The following UBE2V2 variants were observed in gnomAD, a reference collection of about 807,000 sequenced individuals.
UBE2V2 encodes the protein ubiquitin conjugating enzyme E2 V2, also known as ubiquitin-conjugating enzyme E2 variant 2.
UBE2V2 carries 9 observed loss-of-function variants against 17.2 expected under a neutral mutation model. That is an observed-to-expected ratio of 0.52 (90% CI 0.32 to 0.91). The LOEUF is 0.91. Among genes scored for constraint, UBE2V2 ranks in the 40% least tolerant of loss-of-function variants. UBE2V2 has a pLI of 0.04. For missense variants in UBE2V2, 133 were observed against 182.6 expected (o/e 0.73, Z 1.56); for synonymous variants, 61 against 57.5 (o/e 1.06, Z -0.28).
chr8:48,013,717 G>C (rs2091248766), intron 1 of UBE2V2, among the ~76,000 whole-genome samples: 1 of 152,144 alleles, frequency 6.6e-6, no homozygotes, highest in African/African-American at 2.4e-5. Context: ...GAGAAACTCA[G>C]AAAAAATTGA....
At chr8:48,030,138 T>A (rs1323617830) in intron 1 of UBE2V2, among the ~76,000 whole-genome samples, 2 of 152,208 alleles carry the variant, frequency 1.3e-5, no homozygotes, top group Non-Finnish European at 2.9e-5. Flanking sequence ...ATATCTGTAG[T>A]GTATCCAGGT....
chr8:48,008,442 G>A lies in UBE2V2; in HGVS notation c.-13G>A, dbSNP rs1355409608. 4 of 1,566,022 alleles carry A rather than the reference G, an allele frequency of 2.6e-6. No individual in the cohort carries two copies. Among genetic ancestry groups the A allele is most frequent in the East Asian group, 2.6e-5 (1 of 38,370 alleles). On this transcript the variant is annotated 5_prime_UTR_variant, in exon 1 of 4. Coordinates refer to ENST00000523111, the MANE Select transcript of UBE2V2 (RefSeq NM_003350.3). ...GCGTGCGTGCGGGCGGCTGCGTCGG[G>A]CTGCAGGAGAAGATGGCGGTCTCCA...
chr8:48,007,080 G>A (rs187245131), upstream of UBE2V2, among the ~76,000 whole-genome samples: 2 of 151,562 alleles, frequency 1.3e-5, no homozygotes, highest in East Asian at 1.9e-4. Flanking sequence ...AGTAGAGACA[G>A]GGTTTCACTG....
chr8:48,049,914 C>T lies in UBE2V2; in HGVS notation c.227C>T (p.Ala76Val). Residue 76 changes from alanine to valine, a missense_variant, in exon 3 of 4, where the codon GCT (alanine) becomes GTT (valine). Physicochemically the swap from Ala to Val is moderately conservative, Grantham distance 64 (BLOSUM62 0). Transcript: ENST00000523111. ...KVECGPKYPE[A>V]PPSVRFVTKI... ...GAATGTGGACCTAAATACCCAGAAGCTCCTCCGTCAGTTAGATTTGTAACA... is the reference window on the plus strand; with the variant it reads ...GAATGTGGACCTAAATACCCAGAAGTTCCTCCGTCAGTTAGATTTGTAACA... The T allele has an allele frequency of 6.3e-7, 1 of 1,585,960 alleles. No homozygotes were observed. The highest frequency in any genetic ancestry group is 8.5e-7 in the Non-Finnish European group (1 of 1,170,540).
chr8:48,007,954 G>A (rs2154506495), upstream of UBE2V2, among the ~76,000 whole-genome samples: 1 of 151,780 alleles, frequency 6.6e-6, no homozygotes, highest in South Asian at 2.1e-4. Context: ...GCGGAGTCTC[G>A]CTCTGTTGTC....
upstream of UBE2V2, chr8:48,008,323 C>A (rs1031592338): frequency 1.1e-5 from 14 of 1,251,452 alleles, no homozygotes; most frequent in South Asian, 2.0e-5. Context: ...CACGTGCGCG[C>A]TGTCCCTCGG....
At chr8:48,028,980 A>AT (rs1456986195) in intron 1 of UBE2V2, among the ~76,000 whole-genome samples, 4 of 151,880 alleles carry the variant, frequency 2.6e-5, no homozygotes, top group African/African-American at 9.7e-5. Flanking sequence ...AGACCAATTA[A>AT]TTTTTTTTCT....
intron 1 of UBE2V2, among the ~76,000 whole-genome samples, chr8:48,036,372 G>A (rs1243836251): frequency 6.6e-6 from 1 of 152,064 alleles, no homozygotes; most frequent in Non-Finnish European, 1.5e-5. Flanking sequence ...ACTAGTGGGA[G>A]GAATAGCAAA....
intron 1 of UBE2V2, among the ~76,000 whole-genome samples, chr8:48,035,348 T>C (rs2091415122): frequency 6.6e-6 from 1 of 151,964 alleles, no homozygotes; most frequent in Non-Finnish European, 1.5e-5. Flanking sequence ...CACAAACTCC[T>C]AACCTCAGGT....
chr8:48,008,413 T>TCGTG (rs759614925), upstream of UBE2V2: 22 of 1,558,214 alleles, frequency 1.4e-5, 1 homozygote, highest in Admixed American at 5.7e-5. Flanking sequence ...GCGCGACGGT[T>TCGTG]CGTGCGTGCG....
In UBE2V2 at chr8:48,012,446, G is replaced by A. The variant is rs1323507439; in HGVS notation, c.16+3976G>A. ...TAGAAAAGTATGTGCAGGCCGGGTGGGGTGGCTCACACCTGTAATCCCAGC... is the reference window on the plus strand; with the variant it reads ...TAGAAAAGTATGTGCAGGCCGGGTGAGGTGGCTCACACCTGTAATCCCAGC... On this transcript the variant is annotated intron_variant, in intron 1 of 3. Coordinates refer to ENST00000523111, the MANE Select transcript of UBE2V2 (RefSeq NM_003350.3). Among the ~76,000 whole-genome samples the A allele has an allele frequency of 2.6e-5, 4 of 152,062 alleles. No homozygotes were observed. In the East Asian group the frequency reaches 7.7e-4, roughly 29 times the overall value.
chr8:48,051,882 C>T (rs1289914096), intron 3 of UBE2V2, among the ~76,000 whole-genome samples: 1 of 152,070 alleles, frequency 6.6e-6, no homozygotes, highest in East Asian at 1.9e-4. Flanking sequence ...CCATTAACAC[C>T]CCCCCACCCC....
At chr8:48,031,007 C>T (rs775318518) in intron 1 of UBE2V2, among the ~76,000 whole-genome samples, 1 of 151,896 alleles carries the variant, frequency 6.6e-6, no homozygotes, top group Non-Finnish European at 1.5e-5. Context: ...GGCTCTGGGC[C>T]ACAGAGCGAG....
intron 3 of UBE2V2, among the ~76,000 whole-genome samples, chr8:48,059,523 C>G (rs546392247): frequency 1.3e-4 from 20 of 152,208 alleles, no homozygotes; most frequent in African/African-American, 4.6e-4. Flanking sequence ...ATTCTCCTGC[C>G]TCAGCCTCCC....
At chr8:48,003,037 C>T in the UBE2V2 span, among the ~76,000 whole-genome samples, 4 of 151,920 alleles carry the variant, frequency 2.6e-5, no homozygotes, top group Non-Finnish European at 5.9e-5. Flanking sequence ...TGGTGAAACC[C>T]CGTCTCTGCT....
At chr8:47,997,781 A>C in the UBE2V2 span, among the ~76,000 whole-genome samples, 1 of 151,714 alleles carries the variant, frequency 6.6e-6, no homozygotes, top group Admixed American at 6.6e-5. Context: ...GAGGACTCAG[A>C]GTAGGAGGCG....
Position 48,064,482 on chromosome 8 carries a change from G to A in UBE2V2, c.*3654G>A, listed in dbSNP as rs1329736552. ...CTGAGTTTACTGTAAAATAGGAAATGCATAGGAAGGAATACCTCCTAAATA... is the reference window on the plus strand; with the variant it reads ...CTGAGTTTACTGTAAAATAGGAAATACATAGGAAGGAATACCTCCTAAATA... On this transcript the variant is annotated 3_prime_UTR_variant, in exon 4 of 4. Transcript: ENST00000523111. 1.3e-5 allele frequency: 2 copies of A among 152,150 alleles called. No homozygotes were observed. The highest frequency in any genetic ancestry group is 4.8e-5 in the African/African-American group (2 of 41,450). The allele number at this position is 152,150 out of a possible 1,614,324, so 9.4% of individuals were successfully genotyped here. A position where few individuals can be genotyped will look rare whatever the true frequency, so the allele number is the denominator to read the frequency against.
At chr8:48,037,864 C>T (rs2091435006) in intron 1 of UBE2V2, among the ~76,000 whole-genome samples, 1 of 152,202 alleles carries the variant, frequency 6.6e-6, no homozygotes. Context: ...TGATACTTTT[C>T]TCCTCCTCTT....
chr8:48,050,087 A>C, intron 3 of UBE2V2, 109 bp downstream of exon 3: 1 of 822,304 alleles, frequency 1.2e-6, no homozygotes, highest in Non-Finnish European at 1.7e-6. Context: ...GTTAGGAGAA[A>C]GTTTTTAAAA....
Sources: gnomAD v4.1 joint callset for allele counts (sites outside exome capture counted in the v4.1 genomes callset) on GRCh38, gnomAD v4.1.1 for gene constraint, MANE v1.5 for transcripts, NCBI Gene and HGNC (gene_info 2026-07-23, HGNC 2026-07-21) for gene names.